Variants in NAMPT observed in about 807,000 individuals in gnomAD.
NAMPT encodes nicotinamide phosphoribosyltransferase, also known as NAmPRTase.
A neutral mutation model predicts 58.7 loss-of-function variants in NAMPT; 7 were observed. The ratio of observed to expected loss-of-function variants is 0.12; its 90% CI spans 0.07 to 0.22. NAMPT has a LOEUF of 0.22. Ranked by LOEUF, NAMPT falls within the 10% of genes least tolerant of loss-of-function variation. The pLI is 1.00. For missense variants in NAMPT, 271 were observed against 567.9 expected, an observed-to-expected ratio of 0.48 and a Z score of 5.31; for synonymous variants, 145 against 198.1, an observed-to-expected ratio of 0.73 and a Z score of 2.25.
At chr7:106,281,550 A>T (rs1295644682) in intron 1 of NAMPT, among the ~76,000 whole-genome samples, 1 of 152,226 alleles carries the variant, frequency 6.6e-6, no homozygotes, top group African/African-American at 2.4e-5. Context: ...GGGCAATCAG[A>T]AGAGGATACA....
At chr7:106,283,823 A>G (rs1444112653) in intron 1 of NAMPT, among the ~76,000 whole-genome samples, 1 of 152,236 alleles carries the variant, frequency 6.6e-6, no homozygotes, top group Non-Finnish European at 1.5e-5. Context: ...TTCTCGGAAT[A>G]TCGGAGGAGG....
intron 1 of NAMPT, among the ~76,000 whole-genome samples, chr7:106,279,104 AATAATTAAATATTT>A (rs139644640): frequency 0.032 from 4,807 of 152,322 alleles, 97 homozygotes; most frequent in Middle Eastern, 0.051. Flanking sequence ...AGTTCTGGAC[AATAATTAAATATTT>A]ATAATTTTAA....
chr7:106,262,068 T>C (rs1270258825), intron 7 of NAMPT, among the ~76,000 whole-genome samples: 1 of 152,240 alleles, frequency 6.6e-6, no homozygotes, highest in East Asian at 1.9e-4. Context: ...AACTCATGAT[T>C]ATACTTTTAA....
rs780418587 is a variant in NAMPT at position 106,277,188 on chromosome 7, A to G, written c.58-9T>C. 1 of 1,603,146 alleles carries G rather than the reference A, an allele frequency of 6.2e-7. No homozygotes were observed. Among genetic ancestry groups the G allele is most frequent in the African/African-American group, 1.3e-5 (1 of 74,358 alleles). ...TGTTTATAGTGAGTAACCTATGTAA[A>G]GAAATACACTTCTGTTAGAAAACAC... On this transcript the variant is annotated splice_polypyrimidine_tract_variant and intron_variant, in intron 1 of 10. Coordinates refer to ENST00000222553, the MANE Select transcript of NAMPT (RefSeq NM_005746.3).
chr7:106,277,670 A>T (rs1352792925), intron 1 of NAMPT, among the ~76,000 whole-genome samples: 1 of 152,214 alleles, frequency 6.6e-6, no homozygotes, highest in African/African-American at 2.4e-5. Flanking sequence ...CACTATGAAA[A>T]CCTGGATGAC....
At chr7:106,253,372 T>C in intron 9 of NAMPT, 1 of 481,404 alleles carries the variant, frequency 2.1e-6, no homozygotes, top group East Asian at 3.8e-5. Context: ...ATCTTGGATA[T>C]CCTTTTTGCC....
chr7:106,261,975 C>G (rs1293050705), intron 7 of NAMPT, among the ~76,000 whole-genome samples: 1 of 151,548 alleles, frequency 6.6e-6, no homozygotes, highest in Non-Finnish European at 1.5e-5. Flanking sequence ...TTAGACCTTT[C>G]AAATTATATG....
chr7:106,270,483 C>A (rs1414044255), intron 4 of NAMPT, among the ~76,000 whole-genome samples: 1 of 152,164 alleles, frequency 6.6e-6, no homozygotes, highest in African/African-American at 2.4e-5. Flanking sequence ...CATTAGACTC[C>A]TGTGACTGAT....
intron 1 of NAMPT, among the ~76,000 whole-genome samples, chr7:106,281,176 G>C (rs772389680): frequency 6.6e-6 from 1 of 151,558 alleles, no homozygotes; most frequent in Non-Finnish European, 1.5e-5. Context: ...CAAAAAATTA[G>C]ATTCCCAAGG....
intron 9 of NAMPT, 191 bp from the exon 10 acceptor site, chr7:106,253,342 T>C (rs1355450157): frequency 1.8e-6 from 1 of 564,050 alleles, no homozygotes; most frequent in East Asian, 3.1e-5. Flanking sequence ...TAGTCGTTTG[T>C]AATAAAGAAA....
chr7:106,259,187 A>G (rs1367940568), intron 8 of NAMPT, among the ~76,000 whole-genome samples: 5 of 152,246 alleles, frequency 3.3e-5, no homozygotes, highest in Non-Finnish European at 7.3e-5. Flanking sequence ...ATGAGACTGC[A>G]GCAATTCAGT....
chr7:106,267,869 A>AAAAAAAAAAAAAAAAAAAAAAAC (rs1792454290), intron 6 of NAMPT, among the ~76,000 whole-genome samples: 1 of 140,396 alleles, frequency 7.1e-6, no homozygotes, highest in South Asian at 2.3e-4. Flanking sequence ...AAAAAAAAAA[A>AAAAAAAAAAAAAAAAAAAAAAAC]AAAAAAACAA....
chr7:106,281,843 AAT>A (rs1276624869), intron 1 of NAMPT, among the ~76,000 whole-genome samples: 2 of 152,202 alleles, frequency 1.3e-5, no homozygotes, highest in Non-Finnish European at 2.9e-5. Flanking sequence ...TGGAGTTTCT[AAT>A]GACTTGTATC....
In NAMPT at chr7:106,273,521, CG is replaced by C. The variant is rs1279742129; in HGVS notation, c.319-864del. ...GGTCCTAGTTTGGACTCAAAAGCAG[CG>C]GGGAGACCCTGGACTAGTCACTTGC... On this transcript the variant is annotated intron_variant, in intron 3 of 10. Transcript: ENST00000222553. Among the ~76,000 whole-genome samples, 3 of 152,074 alleles carry C rather than the reference CG, an allele frequency of 2.0e-5. No individual in the cohort carries two copies. In the East Asian group the frequency reaches 5.8e-4, roughly 29 times the overall value.
intron 6 of NAMPT, 109 bp downstream of exon 6, chr7:106,268,355 T>C: frequency 1.1e-6 from 1 of 941,196 alleles, no homozygotes; most frequent in Non-Finnish European, 1.6e-6. Context: ...CTCAAGTTCA[T>C]GAAGATGTAC....
At chr7:106,285,506 G>A, upstream of NAMPT, 9 of 980,800 alleles carry the variant, frequency 9.2e-6, no homozygotes, top group Non-Finnish European at 1.1e-5. Context: ...GCCTCCTACT[G>A]CCCATCTTCC....
At position 106,279,308 on chromosome 7, in the gene NAMPT, C is replaced by T. The variant is rs146081205; in HGVS notation, c.58-2129G>A. ...GAGTATCGTTTTAGAATATAGCTAA[C>T]GCATCTAAGTTATCTAGGCAAACTC... On this transcript the variant is annotated intron_variant, in intron 1 of 10. Transcript: ENST00000222553. Among the ~76,000 whole-genome samples the T allele has an allele frequency of 7.1e-3, 1,082 of 152,224 alleles. 6 individuals carry two copies. The highest frequency in any genetic ancestry group is 0.011 in the Non-Finnish European group (724 of 67,996).
intron 3 of NAMPT, among the ~76,000 whole-genome samples, chr7:106,273,468 T>A (rs1405436843): frequency 6.6e-6 from 1 of 152,202 alleles, no homozygotes; most frequent in Non-Finnish European, 1.5e-5. Context: ...GGAGGCACAG[T>A]GTATAGCAAA....
At chr7:106,276,117 A>G (rs895682394) in intron 2 of NAMPT, 11 of 152,238 alleles carry the variant, frequency 7.2e-5, no homozygotes, top group Non-Finnish European at 1.5e-4. Flanking sequence ...GGTTTTCAGT[A>G]GTATAAGACT....
Sources: allele counts gnomAD v4.1 joint callset (sites outside exome capture counted in the v4.1 genomes callset), GRCh38; gene constraint gnomAD v4.1.1; transcripts MANE v1.5; gene names NCBI Gene and HGNC (gene_info 2026-07-23, HGNC 2026-07-21).